The following C11orf24 variants were observed in gnomAD, a reference collection of about 807,000 sequenced individuals.
C11orf24 encodes uncharacterized protein C11orf24.
A neutral mutation model predicts 7.3 loss-of-function variants in C11orf24; 5 were observed. The ratio of observed to expected loss-of-function variants is 0.69; its 90% confidence interval spans 0.36 to 1.45. The LOEUF (loss-of-function observed/expected upper bound fraction) is 1.45, where lower values mean the gene tolerates loss of function less well. Among genes scored for constraint, C11orf24 ranks in the 40% most tolerant of loss-of-function variants. C11orf24 has a pLI of 0.03. For synonymous variants in C11orf24, 233 were observed against 235.7 expected (o/e 0.99, Z 0.11); for missense variants, 566 against 590.5 (o/e 0.96, Z 0.43).
chr11:68,263,320 CG>C, intron 3 of C11orf24: 1 of 392,580 alleles, frequency 2.5e-6, no homozygotes. Flanking sequence ...CATAAAAGAA[CG>C]CTTGGCTTTG....
Position 68,262,322 on chromosome 11 carries a change from T to G in C11orf24, c.673A>C (p.Ser225Arg). 1.2e-6 allele frequency: 2 copies of G among 1,613,928 alleles called. No individual in the cohort carries two copies. Among genetic ancestry groups the G allele is most frequent in the South Asian group, 2.2e-5 (2 of 91,086 alleles). ...QTVATTANTS[S>R]PMSTRPSPSK... ...GGACTTGGACGAGTGCTCATGGGGC[T>G]GCTTGTGTTTGCTGTGGTCGCTACA... The change falls in exon 4 of 4, where the codon AGC (serine) becomes CGC (arginine). Residue 225 changes from serine (S) to arginine (R), a missense_variant. Physicochemically the swap from Ser to Arg is moderately radical, Grantham distance 110. Transcript: ENST00000304271.
chr11:68,263,701 TG>T lies in C11orf24; in HGVS notation c.66del (p.Asn23ThrfsTer15). ...CAGCTTTCTCACTTACGTGGATCGT[TG>T]GATGCCGCATGGCTTTCAGATAAGG... ...SLSLSESHAA[S>X]NDPRNFVPNK... On this transcript the variant is annotated frameshift_variant, in exon 3 of 4. Transcript: ENST00000304271. LOFTEE classifies it low-confidence loss of function (END_TRUNC). The T allele has an allele frequency of 6.2e-7, 1 of 1,613,522 alleles. No homozygotes were observed. Among genetic ancestry groups the T allele is most frequent in the Non-Finnish European group, 8.5e-7 (1 of 1,179,918 alleles).
At chr11:68,268,565 A>C (rs1433338351) in intron 1 of C11orf24, among the ~76,000 whole-genome samples, 2 of 152,122 alleles carry the variant, frequency 1.3e-5, no homozygotes, top group African/African-American at 4.8e-5. Context: ...GGTGGTGGGC[A>C]CCTGTAATCC....
chr11:68,261,352 T>A lies in C11orf24; in HGVS notation c.*293A>T. ...CCACACGATTGTGGCGAGCAGTCAG[T>A]ACTTTAATTCAGGTCAGGCTCCGAC... On this transcript the variant is annotated 3_prime_UTR_variant, in exon 4 of 4. Coordinates refer to ENST00000304271, the MANE Select transcript of C11orf24 (RefSeq NM_022338.4). 2.7e-6 allele frequency: 1 copy of A among 372,336 alleles called. No individual in the cohort carries two copies. Among genetic ancestry groups the A allele is most frequent in the South Asian group, 3.6e-5 (1 of 28,064 alleles). The allele number at this position is 372,336 out of a possible 1,614,324, so 23.1% of individuals were successfully genotyped here. A position where few individuals can be genotyped will look rare whatever the true frequency, so the allele number is the denominator to read the frequency against.
intron 1 of C11orf24, among the ~76,000 whole-genome samples, chr11:68,270,990 C>T (rs1228896258): frequency 6.6e-6 from 1 of 152,154 alleles, no homozygotes; most frequent in Non-Finnish European, 1.5e-5. Context: ...ACCTTGCTTG[C>T]TTCCAGGTTT....
chr11:68,262,191 GTTAAC>G lies in C11orf24; in HGVS notation c.799_803del (p.Val267HisfsTer4). 1 of 1,613,578 alleles carries G rather than the reference GTTAAC, an allele frequency of 6.2e-7. No homozygotes were observed. Among genetic ancestry groups the G allele is most frequent in the Non-Finnish European group, 8.5e-7 (1 of 1,179,648 alleles). On this transcript the variant is annotated frameshift_variant, in exon 4 of 4. Transcript: ENST00000304271. LOFTEE classifies it low-confidence loss of function (END_TRUNC). ...GCATGGGTGTGGATTTATTTGTTGT[GTTAAC>G]CACAGGCTGGTCCACTGACACCTGG...
chr11:68,265,020 A>C (rs554864288), intron 2 of C11orf24, among the ~76,000 whole-genome samples: 23 of 150,020 alleles, frequency 1.5e-4, no homozygotes, highest in African/African-American at 5.4e-4. Flanking sequence ...CAGAGGACAC[A>C]GTTCAGCCAG....
In C11orf24 at chr11:68,261,680, A is replaced by T. The variant is rs1339569696; in HGVS notation, c.1315T>A (p.Leu439Ile). The T allele has an allele frequency of 6.2e-7, 1 of 1,612,832 alleles. No homozygotes were observed. The change falls in exon 4 of 4, where the codon TTA (leucine) becomes ATA (isoleucine). Residue 439 changes from leucine to isoleucine, a missense_variant. By Grantham distance (5) the Leu-to-Ile change is conservative (BLOSUM62 2). Transcript: ENST00000304271. The part of the protein sequence containing the change: ...KKKDYTQVDY[L>I]INGMYADSEM Reference sequence around the variant, plus strand: ...GAGTCCGCATACATCCCGTTGATTAAGTAGTCCACCTGGGTGTAGTCCTTC... The same window carrying T: ...GAGTCCGCATACATCCCGTTGATTATGTAGTCCACCTGGGTGTAGTCCTTC...
chr11:68,263,466 GC>G (rs2098562979), intron 3 of C11orf24: 3 of 543,216 alleles, frequency 5.5e-6, no homozygotes, highest in Non-Finnish European at 6.5e-6. Flanking sequence ...TGCAGGCCAA[GC>G]GAGCAAACCT....
chr11:68,271,004 G>A (rs183623499), intron 1 of C11orf24, among the ~76,000 whole-genome samples: 56 of 152,266 alleles, frequency 3.7e-4, no homozygotes, highest in Admixed American at 2.4e-3. Flanking sequence ...CAGGTTTCTG[G>A]AAGTTTTGGT....
intron 2 of C11orf24, among the ~76,000 whole-genome samples, chr11:68,265,080 T>C (rs1317060545): frequency 7.3e-6 from 1 of 137,878 alleles, no homozygotes; most frequent in African/African-American, 2.8e-5. Context: ...AAGCGATGCC[T>C]GGGCCGCATT....
rs2098561550 is a variant in C11orf24 at position 68,261,485 on chromosome 11, T to C, written c.*160A>G. On this transcript the variant is annotated 3_prime_UTR_variant, in exon 4 of 4. Transcript: ENST00000304271. ...AAATATGAAAAAAGCAGCAACTCTT[T>C]AGTGATCATGGAATTAATCTGACAG... 2 of 632,216 alleles carry C rather than the reference T, an allele frequency of 3.2e-6. No homozygotes were observed. The highest frequency in any genetic ancestry group is 2.2e-5 in the South Asian group (1 of 45,786). The allele number at this position is 632,216 out of a possible 1,614,324, so 39.2% of individuals were successfully genotyped here.
chr11:68,266,540 A>C (rs2153104014), intron 2 of C11orf24, among the ~76,000 whole-genome samples: 1 of 152,350 alleles, frequency 6.6e-6, no homozygotes, highest in Admixed American at 6.5e-5. Context: ...TTAGGGGCTT[A>C]GAAAAATTAC....
intron 2 of C11orf24, among the ~76,000 whole-genome samples, chr11:68,264,563 A>T (rs1591132927): frequency 2.8e-4 from 1 of 3,620 alleles, no homozygotes; most frequent in Non-Finnish European, 5.6e-4. Flanking sequence ...TCCACCCACT[A>T]TTCTATCCAT....
At chr11:68,265,674 A>G (rs1483460759) in intron 2 of C11orf24, among the ~76,000 whole-genome samples, 1 of 152,030 alleles carries the variant, frequency 6.6e-6, no homozygotes. Context: ...GTGTGTGGAG[A>G]GAGGATTCTT....
In C11orf24 at chr11:68,261,638, G is replaced by A. The variant is rs1384813914; in HGVS notation, c.*7C>T. The A allele has an allele frequency of 8.8e-6, 14 of 1,593,430 alleles. No individual in the cohort carries two copies. The highest frequency in any genetic ancestry group is 2.3e-5 in the East Asian group (1 of 44,342). On this transcript the variant is annotated 3_prime_UTR_variant, in exon 4 of 4. Coordinates refer to ENST00000304271, the MANE Select transcript of C11orf24 (RefSeq NM_022338.4). ...GGGCCAGGCCTCCCGCCAGGCCCCC[G>A]CCCCCCTCACATTTCTGAGTCCGCA...
At chr11:68,264,083 T>C (rs2098563323) in intron 2 of C11orf24, among the ~76,000 whole-genome samples, 1 of 152,170 alleles carries the variant, frequency 6.6e-6, no homozygotes, top group Non-Finnish European at 1.5e-5. Flanking sequence ...GATTTCACTA[T>C]GAATCTCAAC....
Position 68,262,104 on chromosome 11 carries a change from T to C in C11orf24, c.891A>G (p.Gln297=). ...TPTVVTTTKA[Q]AREPTASPVP... The stretch of plus-strand genomic sequence containing the variant: ...CTGGGCTGGCAGTTGGCTCCCTGGC[T>C]TGTGCCTTGGTGGTGGTCACCACTG... The change falls in exon 4 of 4, where the codon CAA becomes CAG. Residue 297 remains glutamine (Q), a synonymous_variant. Transcript: ENST00000304271. 1 of 1,613,968 alleles carries C rather than the reference T, an allele frequency of 6.2e-7. No homozygotes were observed. The highest frequency in any genetic ancestry group is 8.5e-7 in the Non-Finnish European group (1 of 1,179,996).
intron 3 of C11orf24, 84 bp downstream of exon 3, chr11:68,263,608 G>A: frequency 1.5e-6 from 2 of 1,336,582 alleles, no homozygotes; most frequent in South Asian, 2.5e-5. Flanking sequence ...GTTGGCCTGG[G>A]TTTGCAGATG....
Sources: allele counts gnomAD v4.1 joint callset (sites outside exome capture counted in the v4.1 genomes callset), GRCh38; gene constraint gnomAD v4.1.1; transcripts MANE v1.5; gene names NCBI Gene and HGNC (gene_info 2026-07-23, HGNC 2026-07-21).